Variants in GNA12 observed in about 807,000 individuals in gnomAD.
The protein encoded by GNA12 is G protein subunit alpha 12, also known as guanine nucleotide-binding protein subunit alpha-12.
A neutral mutation model predicts 26.0 loss-of-function variants in GNA12; 9 were observed. The ratio of observed to expected loss-of-function variants is 0.35; its 90% CI spans 0.21 to 0.60. The LOEUF is 0.60. Among genes scored for constraint, GNA12 ranks in the 20% least tolerant of loss-of-function variants. The pLI is 0.78. For missense variants in GNA12, 405 were observed against 525.8 expected, an observed-to-expected ratio of 0.77 and a Z score of 2.25; for synonymous variants, 264 against 219.6, an observed-to-expected ratio of 1.20 and a Z score of -1.79.
rs1562386851 is a variant in GNA12, at chr7:2,728,130, A to AGGGG, written c.*3050_*3051insCCCC. On this transcript the variant is annotated 3_prime_UTR_variant, in exon 4 of 4. Transcript: ENST00000275364. ...TTTTATATTAAGCAAAGAAAGACTAAATTTATTTTAATAAACATTCAGAGG... is the reference window on the plus strand; with the variant it reads ...TTTTATATTAAGCAAAGAAAGACTAAGGGGATTTATTTTAATAAACATTCAGAGG... 6.6e-6 allele frequency: 1 copy of AGGGG among 152,258 alleles called. No homozygotes were observed. Among genetic ancestry groups the AGGGG allele is most frequent in the African/African-American group, 2.4e-5 (1 of 41,414 alleles). The allele number at this position is 152,258 out of a possible 1,614,324, so 9.4% of individuals were successfully genotyped here. A position where few individuals can be genotyped will look rare whatever the true frequency, so the allele number is the denominator to read the frequency against.
chr7:2,743,170 C>T (rs1375833503), intron 2 of GNA12, among the ~76,000 whole-genome samples: 3 of 152,182 alleles, frequency 2.0e-5, no homozygotes, highest in Non-Finnish European at 4.4e-5. Flanking sequence ...GCCTGGCTGG[C>T]CCCTGAACCG....
chr7:2,835,393 T>C (rs573982468), intron 1 of GNA12, among the ~76,000 whole-genome samples: 17 of 152,308 alleles, frequency 1.1e-4, no homozygotes, highest in South Asian at 8.3e-4. Context: ...CACACCCCCA[T>C]TGATGTTGGC....
chr7:2,763,528 T>G (rs527698606), intron 2 of GNA12, among the ~76,000 whole-genome samples: 66 of 152,330 alleles, frequency 4.3e-4, no homozygotes, highest in African/African-American at 1.5e-3. Context: ...CCAGTCCATG[T>G]CCCAAGCAGT....
At chr7:2,814,116 G>A (rs550903964) in intron 1 of GNA12, among the ~76,000 whole-genome samples, 18 of 152,268 alleles carry the variant, frequency 1.2e-4, no homozygotes, top group South Asian at 2.1e-4. Context: ...TTTGAATCAC[G>A]CCTCGGGCTT....
At chr7:2,829,299 G>C (rs1394690350) in intron 1 of GNA12, among the ~76,000 whole-genome samples, 1 of 152,152 alleles carries the variant, frequency 6.6e-6, no homozygotes, top group African/African-American at 2.4e-5. Flanking sequence ...CTGTCGGAGA[G>C]ATAAGAAAAA....
At chr7:2,761,977 C>T (rs1791579555) in intron 2 of GNA12, among the ~76,000 whole-genome samples, 1 of 152,194 alleles carries the variant, frequency 6.6e-6, no homozygotes, top group Non-Finnish European at 1.5e-5. Context: ...CCACCCAGCA[C>T]CACAGCCTAA....
chr7:2,731,124 G>C lies in GNA12; in HGVS notation c.*57C>G. The C allele has an allele frequency of 8.4e-7, 1 of 1,191,690 alleles. No homozygotes were observed. The highest frequency in any genetic ancestry group is 1.2e-6 in the Non-Finnish European group (1 of 823,568). 73.8% of individuals were successfully genotyped at this position (1,191,690 alleles called of 1,614,324 possible). A position where few individuals can be genotyped will look rare whatever the true frequency, so the allele number is the denominator to read the frequency against. On this transcript the variant is annotated 3_prime_UTR_variant, in exon 4 of 4. Coordinates refer to ENST00000275364, the MANE Select transcript of GNA12 (RefSeq NM_007353.3). This position sits in a 1 kb window ranked among gnomAD's most constrained non-coding sequence, Gnocchi z 6.0. ...CCACACAGACAACACACACCCAAGA[G>C]TCTGACCGACAGCCGTGGGGGCTGC...
chr7:2,786,681 A>T (rs909026329), intron 2 of GNA12, among the ~76,000 whole-genome samples: 2 of 152,226 alleles, frequency 1.3e-5, no homozygotes, highest in Non-Finnish European at 2.9e-5. Context: ...TTTAGTTTTC[A>T]CTAATTAAAC....
At chr7:2,757,212 T>C (rs1477651912) in intron 2 of GNA12, among the ~76,000 whole-genome samples, 1 of 140,408 alleles carries the variant, frequency 7.1e-6, no homozygotes, top group Non-Finnish European at 1.5e-5. Context: ...CTTGGCTCAC[T>C]GCAAGCTCTG....
chr7:2,783,649 CATTTATTTATTTATTTATTTATTT>C (rs60404277), intron 2 of GNA12, among the ~76,000 whole-genome samples: 1 of 138,630 alleles, frequency 7.2e-6, no homozygotes, highest in African/African-American at 2.7e-5. Context: ...GGCTGTAACA[CATTTATTTATTTATTTATTTATTT>C]ATTTATTTAT....
intron 2 of GNA12, among the ~76,000 whole-genome samples, chr7:2,769,724 C>G (rs753914993): frequency 7.2e-5 from 11 of 151,926 alleles, no homozygotes; most frequent in Non-Finnish European, 1.3e-4. Flanking sequence ...GAGAGTGAGA[C>G]TCTGTCTCAG....
At chr7:2,825,399 G>A (rs1300708402) in intron 1 of GNA12, among the ~76,000 whole-genome samples, 1 of 152,022 alleles carries the variant, frequency 6.6e-6, no homozygotes, top group African/African-American at 2.4e-5. Flanking sequence ...AGGGCGGGAA[G>A]GGGCGGACAG....
chr7:2,771,712 G>A (rs1035539102), intron 2 of GNA12, among the ~76,000 whole-genome samples: 5 of 152,120 alleles, frequency 3.3e-5, no homozygotes, highest in Admixed American at 6.5e-5. Context: ...TGATGGCCAC[G>A]TTCCCAATGT....
intron 1 of GNA12, among the ~76,000 whole-genome samples, chr7:2,830,299 C>A (rs186873492): frequency 6.6e-6 from 1 of 152,338 alleles, no homozygotes; most frequent in East Asian, 1.9e-4. Context: ...ATATTTCTTC[C>A]TCTGCTCCCA....
chr7:2,792,927 T>A (rs1163359964), intron 2 of GNA12, among the ~76,000 whole-genome samples: 1 of 152,074 alleles, frequency 6.6e-6, no homozygotes, highest in African/African-American at 2.4e-5. Context: ...ACAGAGAAAA[T>A]ACTGACTTCC....
chr7:2,732,008 G>A (rs11765492), intron 3 of GNA12, among the ~76,000 whole-genome samples: 16,942 of 152,126 alleles, frequency 0.11, 1,055 homozygotes, highest in Middle Eastern at 0.18. Flanking sequence ...CAGGCCCAGC[G>A]CAAAACCACA....
chr7:2,762,991 C>T (rs1210708846), intron 2 of GNA12: 7 of 1,301,080 alleles, frequency 5.4e-6, no homozygotes, highest in Non-Finnish European at 6.8e-6. Context: ...CCCTTGTGTG[C>T]TACTGTGGTC....
chr7:2,836,956 C>A (rs1175854982), intron 1 of GNA12, among the ~76,000 whole-genome samples: 3 of 152,080 alleles, frequency 2.0e-5, no homozygotes, highest in Non-Finnish European at 4.4e-5. Flanking sequence ...CAAGAGAAAA[C>A]ATCAGCAGAG....
At position 2,819,844 on chromosome 7, in the gene GNA12, T is replaced by C. The variant is rs1393991790; in HGVS notation, c.309+24009A>G. ...GGGTAGCTCGTCAAAATGTTAAACA[T>C]AAAGCAACCATTTGACTCAGCAATT... is the stretch of plus-strand genomic sequence containing the variant. On this transcript the variant is annotated intron_variant, in intron 1 of 3. Coordinates refer to ENST00000275364, the MANE Select transcript of GNA12 (RefSeq NM_007353.3). 2.0e-5 allele frequency among the ~76,000 whole-genome samples: 3 copies of C among 152,084 alleles called. No individual in the cohort carries two copies. In the South Asian group the frequency reaches 6.2e-4, roughly 32 times the overall value.
Sources: allele counts gnomAD v4.1 joint callset (sites outside exome capture counted in the v4.1 genomes callset), GRCh38; gene constraint gnomAD v4.1.1; non-coding constraint Gnocchi (gnomAD v3.1); transcripts MANE v1.5; gene names NCBI Gene and HGNC (gene_info 2026-07-23, HGNC 2026-07-21).